Variants in MSRB3 observed in about 807,000 individuals in gnomAD.
MSRB3 encodes the protein methionine-R-sulfoxide reductase B3.
A neutral mutation model predicts 21.0 loss-of-function variants in MSRB3; 13 were observed. That is an observed-to-expected ratio of 0.62 (90% CI 0.40 to 0.98). MSRB3 has a LOEUF of 0.98. Among genes scored for constraint, MSRB3 ranks in the 50% least tolerant of loss-of-function variants. The pLI, the probability that MSRB3 is intolerant of heterozygous loss-of-function variation, is 0.00. For missense variants in MSRB3, 199 were observed against 230.3 expected (o/e 0.86, Z 0.88); for synonymous variants, 87 against 88.6 (o/e 0.98, Z 0.10).
At chr12:65,437,188 G>A (rs112327664) in intron 5 of MSRB3, among the ~76,000 whole-genome samples, 4,847 of 151,924 alleles carry the variant, frequency 0.032, 149 homozygotes, top group African/African-American at 0.07. Context: ...AGAGAGCAGT[G>A]TCAAAAAGCA....
intron 5 of MSRB3, among the ~76,000 whole-genome samples, chr12:65,389,611 C>T (rs1297508041): frequency 1.3e-5 from 2 of 152,200 alleles, no homozygotes; most frequent in Non-Finnish European, 2.9e-5. Flanking sequence ...GTGTCTTCAA[C>T]CTCCATGTCC....
chr12:65,325,631 TA>T (rs957468955), intron 2 of MSRB3, among the ~76,000 whole-genome samples: 1 of 152,026 alleles, frequency 6.6e-6, no homozygotes, highest in Non-Finnish European at 1.5e-5. Context: ...ACCTTGAACG[TA>T]AAAAAAACGG....
At chr12:65,390,504 C>T (rs1020119947) in intron 5 of MSRB3, among the ~76,000 whole-genome samples, 85 of 152,202 alleles carry the variant, frequency 5.6e-4, no homozygotes, top group African/African-American at 1.9e-3. Flanking sequence ...AATATTTACT[C>T]AAAAATTAGG....
At position 65,337,430 on chromosome 12, in the gene MSRB3, C is replaced by CAA. The variant is rs780302211; in HGVS notation, c.263+8853_263+8854dup. 9.2e-4 allele frequency among the ~76,000 whole-genome samples: 40 copies of CAA among 43,582 alleles called. 1 individual carries two copies. The highest frequency in any genetic ancestry group is 2.7e-3 in the African/African-American group (32 of 11,884). The allele number at this position is 43,582 out of a possible 152,430, so 28.6% of individuals were successfully genotyped here. ...GCCTGGTGACAGAGTGAGACTACAT[C>CAA]AAAAAAAAAAAAAAAAAAAAAAAAA... is the stretch of plus-strand genomic sequence containing the variant. On this transcript the variant is annotated intron_variant, in intron 4 of 6. Coordinates refer to ENST00000308259, the MANE Select transcript of MSRB3 (RefSeq NM_001031679.3).
At chr12:65,360,209 T>TA (rs1372975444) in intron 4 of MSRB3, among the ~76,000 whole-genome samples, 1 of 152,120 alleles carries the variant, frequency 6.6e-6, no homozygotes, top group Non-Finnish European at 1.5e-5. Context: ...CATTCTGAGA[T>TA]ATTAGGGGTT....
rs1489869672 is a variant in MSRB3 at position 65,329,940 on chromosome 12, CT to C, written c.263+1339del. ...TATTCCTTCTGTTAAAAAACCGACC[CT>C]TCAAATTGTCACCCATTTCCTCTCA... On this transcript the variant is annotated intron_variant, in intron 4 of 6. Coordinates refer to ENST00000308259, the MANE Select transcript of MSRB3 (RefSeq NM_001031679.3). 2.0e-5 allele frequency among the ~76,000 whole-genome samples: 3 copies of C among 152,200 alleles called. No homozygotes were observed. In the East Asian group the frequency reaches 5.8e-4, roughly 29 times the overall value.
intron 5 of MSRB3, among the ~76,000 whole-genome samples, chr12:65,395,049 A>G (rs1466087224): frequency 1.3e-5 from 2 of 152,180 alleles, no homozygotes; most frequent in Non-Finnish European, 2.9e-5. Flanking sequence ...GTTCTAGCCA[A>G]TTAGGCCAAA....
At chr12:65,441,644 A>C (rs1457311069) in intron 5 of MSRB3, among the ~76,000 whole-genome samples, 1 of 151,998 alleles carries the variant, frequency 6.6e-6, no homozygotes, top group Non-Finnish European at 1.5e-5. Flanking sequence ...AAATAAAGAC[A>C]GGAGACAAAA....
chr12:65,299,371 A>G (rs1873175013), intron 1 of MSRB3, among the ~76,000 whole-genome samples: 2 of 152,216 alleles, frequency 1.3e-5, no homozygotes, highest in African/African-American at 2.4e-5. Context: ...GGGCTGGTGA[A>G]TAGCTCTGCC....
intron 5 of MSRB3, among the ~76,000 whole-genome samples, chr12:65,401,065 G>T (rs933336082): frequency 6.6e-6 from 1 of 152,176 alleles, no homozygotes; most frequent in Non-Finnish European, 1.5e-5. Context: ...GTGATGAGGT[G>T]CTGAGAAGAA....
At chr12:65,344,240 GTAC>G (rs950448460) in intron 4 of MSRB3, 109 of 152,162 alleles carry the variant, frequency 7.2e-4, no homozygotes, top group African/African-American at 2.4e-3. Context: ...TATTAGGTAA[GTAC>G]TCCTTTAAAA....
chr12:65,428,046 A>AAAGC (rs1281626200), intron 5 of MSRB3, among the ~76,000 whole-genome samples: 1 of 152,164 alleles, frequency 6.6e-6, no homozygotes, highest in Non-Finnish European at 1.5e-5. Flanking sequence ...CTTCTTTCCC[A>AAAGC]AAGCAGCTCA....
At chr12:65,323,665 A>G (rs1482074459) in intron 2 of MSRB3, among the ~76,000 whole-genome samples, 1 of 152,208 alleles carries the variant, frequency 6.6e-6, no homozygotes, top group African/African-American at 2.4e-5. Flanking sequence ...GTAAAGGGAA[A>G]CCATCCAATG....
intron 1 of MSRB3, among the ~76,000 whole-genome samples, chr12:65,303,926 T>G (rs921247196): frequency 2.6e-5 from 4 of 152,052 alleles, no homozygotes; most frequent in Admixed American, 6.6e-5. Context: ...TACCACCATG[T>G]TAGTATGGCA....
At chr12:65,430,574 C>T (rs1487626873) in intron 5 of MSRB3, among the ~76,000 whole-genome samples, 1 of 152,084 alleles carries the variant, frequency 6.6e-6, no homozygotes, top group Non-Finnish European at 1.5e-5. Flanking sequence ...TGATTTTCTC[C>T]TATGCTTAAG....
intron 5 of MSRB3, among the ~76,000 whole-genome samples, chr12:65,425,275 A>G (rs775068661): frequency 6.6e-6 from 1 of 151,752 alleles, no homozygotes; most frequent in Non-Finnish European, 1.5e-5. Flanking sequence ...TCTTGTAGGC[A>G]GAATATAGTT....
At chr12:65,288,130 C>T (rs1872483745) in intron 1 of MSRB3, among the ~76,000 whole-genome samples, 2 of 151,772 alleles carry the variant, frequency 1.3e-5, no homozygotes, top group Non-Finnish European at 2.9e-5. Context: ...TGGTGAAACC[C>T]CATCTCTACT....
chr12:65,408,968 A>G (rs1880569987), intron 5 of MSRB3, among the ~76,000 whole-genome samples: 1 of 152,280 alleles, frequency 6.6e-6, no homozygotes, highest in Admixed American at 6.5e-5. Flanking sequence ...CTTTTCTGTG[A>G]TCTTCACTGT....
intron 5 of MSRB3, among the ~76,000 whole-genome samples, chr12:65,449,936 G>T (rs1177665622): frequency 6.6e-6 from 1 of 152,186 alleles, no homozygotes; most frequent in Non-Finnish European, 1.5e-5. Flanking sequence ...AATTGATTGG[G>T]ATGGAGAGCT....
Sources: gnomAD v4.1 joint callset for allele counts (sites outside exome capture counted in the v4.1 genomes callset) on GRCh38, gnomAD v4.1.1 for gene constraint, MANE v1.5 for transcripts, NCBI Gene and HGNC (gene_info 2026-07-23, HGNC 2026-07-21) for gene names.